The following TTC29 variants were observed in gnomAD, a reference collection of about 807,000 sequenced individuals.
The protein encoded by TTC29 is tetratricopeptide repeat protein 29.
In TTC29, 49 loss-of-function variants were observed where a neutral mutation model predicts 58.1. The ratio of observed to expected loss-of-function variants is 0.84; its 90% CI spans 0.67 to 1.07. The LOEUF is 1.07. TTC29 is among the 50% of genes least tolerant of loss of function. The pLI is 0.00. For synonymous variants in TTC29, 209 were observed against 196.8 expected (o/e 1.06, Z -0.52); for missense variants, 582 against 555.6 (o/e 1.05, Z -0.48).
At position 146,895,901 on chromosome 4, in the gene TTC29, T is replaced by A. The variant is rs573352440; in HGVS notation, c.586+7643A>T. Among the ~76,000 whole-genome samples, 301 of 152,316 alleles carry A rather than the reference T, an allele frequency of 2.0e-3. 1 individual carries two copies. The highest frequency in any genetic ancestry group is 0.01 in the Middle Eastern group (3 of 294). ...AGCCCATATTTTCTACTTGTTTTTT[T>A]AATAGTGTATTTATAAAAGTTTCTC... On this transcript the variant is annotated intron_variant, in intron 6 of 12. Transcript: ENST00000325106.
chr4:146,868,612 T>G (rs896681485), intron 7 of TTC29, among the ~76,000 whole-genome samples: 4 of 152,088 alleles, frequency 2.6e-5, no homozygotes, highest in African/African-American at 9.7e-5. Flanking sequence ...AGATACAACA[T>G]GGTTCAACAT....
At chr4:146,723,268 AG>A (rs1743509971) in intron 11 of TTC29, among the ~76,000 whole-genome samples, 1 of 152,110 alleles carries the variant, frequency 6.6e-6, no homozygotes, top group Non-Finnish European at 1.5e-5. Context: ...ATTAAATGTA[AG>A]ACCTCAAACA....
At chr4:146,733,286 T>C (rs112952964) in intron 11 of TTC29, among the ~76,000 whole-genome samples, 1 of 152,276 alleles carries the variant, frequency 6.6e-6, no homozygotes, top group Non-Finnish European at 1.5e-5. Flanking sequence ...GGAACCTTCT[T>C]ATTTAGTATA....
chr4:146,764,834 T>C (rs1292560377), intron 11 of TTC29, among the ~76,000 whole-genome samples: 1 of 152,104 alleles, frequency 6.6e-6, no homozygotes, highest in Non-Finnish European at 1.5e-5. Context: ...GATCATGTCC[T>C]GAGGTACCAC....
chr4:146,870,646 T>A (rs1329433347), intron 7 of TTC29, among the ~76,000 whole-genome samples: 2 of 151,528 alleles, frequency 1.3e-5, no homozygotes, highest in Non-Finnish European at 1.5e-5. Flanking sequence ...AAATCAAGAA[T>A]GAAAAAAGGT....
chr4:146,732,815 G>C (rs142612792), intron 11 of TTC29, among the ~76,000 whole-genome samples: 1 of 152,214 alleles, frequency 6.6e-6, no homozygotes, highest in African/African-American at 2.4e-5. Context: ...AGAGGAAGAG[G>C]AATACAGCCT....
At chr4:146,752,491 G>A (rs1162449724) in intron 11 of TTC29, among the ~76,000 whole-genome samples, 1 of 151,706 alleles carries the variant, frequency 6.6e-6, no homozygotes, top group Non-Finnish European at 1.5e-5. Context: ...GTAATTTATA[G>A]ATTCAGTGCC....
At chr4:146,829,167 C>A (rs1374860746) in intron 9 of TTC29, among the ~76,000 whole-genome samples, 1 of 152,190 alleles carries the variant, frequency 6.6e-6, no homozygotes, top group Non-Finnish European at 1.5e-5. Flanking sequence ...AACAGGACTC[C>A]TCGGTCCAAA....
intron 8 of TTC29, among the ~76,000 whole-genome samples, chr4:146,837,061 A>C (rs1266575651): frequency 6.6e-6 from 1 of 152,152 alleles, no homozygotes; most frequent in Non-Finnish European, 1.5e-5. Context: ...TCACTGCAGC[A>C]CTATTCACAA....
At chr4:146,926,010 A>G (rs886491444) in intron 4 of TTC29, among the ~76,000 whole-genome samples, 1 of 152,124 alleles carries the variant, frequency 6.6e-6, no homozygotes, top group African/African-American at 2.4e-5. Flanking sequence ...CTCTGGGAGT[A>G]ATAACAAGGG....
intron 4 of TTC29, among the ~76,000 whole-genome samples, chr4:146,922,024 AAAAAAAG>A (rs1333414508): frequency 3.1e-4 from 47 of 149,888 alleles, no homozygotes; most frequent in African/African-American, 8.0e-4. Flanking sequence ...AAAAAAAAAA[AAAAAAAG>A]AAAGAAAGAA....
At chr4:146,809,624 TAAG>T (rs1484549447) in intron 10 of TTC29, among the ~76,000 whole-genome samples, 1 of 149,618 alleles carries the variant, frequency 6.7e-6, no homozygotes, top group Admixed American at 6.9e-5. Context: ...ACACTTCTTA[TAAG>T]AAGACATTTA....
At chr4:146,710,575 C>A (rs1022305582) in intron 11 of TTC29, among the ~76,000 whole-genome samples, 1 of 152,096 alleles carries the variant, frequency 6.6e-6, no homozygotes, top group Admixed American at 6.6e-5. Flanking sequence ...CAAAAACACT[C>A]ATTTGGATTA....
chr4:146,866,060 T>C (rs1270746766), intron 8 of TTC29, among the ~76,000 whole-genome samples: 6 of 152,170 alleles, frequency 3.9e-5, no homozygotes, highest in African/African-American at 9.7e-5. Context: ...TTTGAATATA[T>C]AGAATATTTT....
At chr4:146,893,668 C>A (rs1286504359) in intron 6 of TTC29, among the ~76,000 whole-genome samples, 3 of 152,042 alleles carry the variant, frequency 2.0e-5, no homozygotes, top group Non-Finnish European at 2.9e-5. Context: ...GCAACAAAAG[C>A]CAAAATTGAC....
Position 146,876,006 on chromosome 4 carries a change from A to G in TTC29, c.587-1078T>C, listed in dbSNP as rs1731231675. Among the ~76,000 whole-genome samples the G allele has an allele frequency of 2.6e-5, 4 of 152,232 alleles. No individual in the cohort carries two copies. The South Asian group carries it at 8.3e-4, about 31-fold the overall frequency. On this transcript the variant is annotated intron_variant, in intron 6 of 12. Transcript: ENST00000325106. Reference sequence around the variant, plus strand: ...AGTTACATAATTGGAATTGATACAAAGAACACTTATATCTAGGCACTCCAA... The same window carrying G: ...AGTTACATAATTGGAATTGATACAAGGAACACTTATATCTAGGCACTCCAA...
rs201837176 is a variant in TTC29 at position 146,909,170 on chromosome 4, C to T, written c.256G>A (p.Ala86Thr). 8.7e-6 allele frequency: 14 copies of T among 1,613,640 alleles called. No individual in the cohort carries two copies. The highest frequency in any genetic ancestry group is 3.3e-5 in the Admixed American group (2 of 59,968). Residue 86 changes from alanine (A) to threonine (T), a missense_variant, in exon 5 of 13, where the codon GCT (alanine) becomes ACT (threonine). Ala to Thr is a moderately conservative substitution (Grantham distance 58). Transcript: ENST00000325106. Reference protein sequence around the residue: ...GYHKSFTELFALMERWDALRE... With the variant: ...GYHKSFTELFTLMERWDALRE... Reference sequence around the variant, plus strand: ...AGGGCATCCCACCGCTCCATCAGAGCGAAGAGCTCGGTGAAGGACTTATGA... The same window carrying T: ...AGGGCATCCCACCGCTCCATCAGAGTGAAGAGCTCGGTGAAGGACTTATGA...
At chr4:146,816,580 A>G (rs1014188276) in intron 10 of TTC29, among the ~76,000 whole-genome samples, 1 of 151,952 alleles carries the variant, frequency 6.6e-6, no homozygotes, top group East Asian at 1.9e-4. Context: ...AGGAGGAGGG[A>G]CGAGAAGGAA....
intron 11 of TTC29, among the ~76,000 whole-genome samples, chr4:146,761,195 A>G (rs1314445665): frequency 6.6e-6 from 1 of 152,022 alleles, no homozygotes; most frequent in East Asian, 1.9e-4. Context: ...TTACTCATGT[A>G]ACCAAATACC....
Sources: allele counts gnomAD v4.1 joint callset (sites outside exome capture counted in the v4.1 genomes callset), GRCh38; gene constraint gnomAD v4.1.1; transcripts MANE v1.5; gene names NCBI Gene and HGNC (gene_info 2026-07-23, HGNC 2026-07-21).